The following PAPOLA variants were observed in gnomAD, a reference collection of about 807,000 sequenced individuals.
PAPOLA encodes poly(A) polymerase alpha, also known as polynucleotide adenylyltransferase alpha.
A neutral mutation model predicts 100.6 loss-of-function variants in PAPOLA; 15 were observed. That is an observed-to-expected ratio of 0.15 (90% CI 0.10 to 0.23). The LOEUF (loss-of-function observed/expected upper bound fraction) is 0.23, where lower values mean the gene tolerates loss of function less well. Ranked by LOEUF, PAPOLA falls within the 10% of genes least tolerant of loss-of-function variation. The pLI is 1.00. For missense variants in PAPOLA, 533 were observed against 884.2 expected, an observed-to-expected ratio of 0.60 and a Z score of 5.04; for synonymous variants, 293 against 300.0, an observed-to-expected ratio of 0.98 and a Z score of 0.24.
intron 19 of PAPOLA, among the ~76,000 whole-genome samples, chr14:96,559,038 A>G (rs1162757631): frequency 7.3e-6 from 1 of 137,584 alleles, no homozygotes; most frequent in Non-Finnish European, 1.6e-5. Context: ...TTTTTGGTGT[A>G]TGTTTTCTCA....
intron 16 of PAPOLA, among the ~76,000 whole-genome samples, chr14:96,550,732 A>T (rs778278027): frequency 6.6e-6 from 1 of 152,162 alleles, no homozygotes; most frequent in Non-Finnish European, 1.5e-5. Flanking sequence ...GATTAAATCT[A>T]CCCTGTATTT....
In PAPOLA at chr14:96,555,831, A is replaced by T. The variant is rs1431266150; in HGVS notation, c.1665-16A>T. 52 of 1,061,792 alleles carry T rather than the reference A, an allele frequency of 4.9e-5. No individual in the cohort carries two copies. Among genetic ancestry groups the T allele is most frequent in the Middle Eastern group, 2.2e-4 (1 of 4,452 alleles). 65.8% of individuals were successfully genotyped at this position (1,061,792 alleles called of 1,614,324 possible). On this transcript the variant is annotated splice_polypyrimidine_tract_variant and intron_variant, in intron 17 of 21. Transcript: ENST00000216277. Reference sequence around the variant, plus strand: ...TTTTTAAATTTTGAGACAATTTTTAATTTTTTTTTTTTTAGCAGAAACAGT... The same window carrying T: ...TTTTTAAATTTTGAGACAATTTTTATTTTTTTTTTTTTTAGCAGAAACAGT...
intron 16 of PAPOLA, among the ~76,000 whole-genome samples, chr14:96,549,225 A>C (rs1345177789): frequency 6.6e-6 from 1 of 151,868 alleles, no homozygotes; most frequent in Non-Finnish European, 1.5e-5. Flanking sequence ...TCAGTTTTTA[A>C]GGTTTAAACA....
In PAPOLA at chr14:96,560,695, A is replaced by G; in HGVS notation, c.2051A>G (p.Asp684Gly). 1 of 1,598,668 alleles carries G rather than the reference A, an allele frequency of 6.3e-7. No homozygotes were observed. Among genetic ancestry groups the G allele is most frequent in the Non-Finnish European group, 8.6e-7 (1 of 1,166,806 alleles). Residue 684 changes from aspartate (D) to glycine (G), a missense_variant, in exon 20 of 22, where the codon GAT becomes GGT. Asp to Gly is a moderately conservative substitution (Grantham distance 94). Transcript: ENST00000216277. ...AACTGTCTTGCTTTGAGTGGACATG[A>G]TAAAACAGAAGCAAAGGTATACTAA... The part of the protein sequence containing the change: ...DANCLALSGH[D>G]KTEAKEQLDT...
rs748161589 is a variant in PAPOLA, at chr14:96,560,629, G to A, written c.2005-20G>A. 7 of 1,547,790 alleles carry A rather than the reference G, an allele frequency of 4.5e-6. No individual in the cohort carries two copies. The highest frequency in any genetic ancestry group is 6.2e-6 in the Non-Finnish European group (7 of 1,126,720). ...TAAATTTTTCATTTTAGAGAATAAA[G>A]CTTTTTTTTTTAAAAACAGGATGAA... On this transcript the variant is annotated intron_variant, in intron 19 of 21. Coordinates refer to ENST00000216277, the MANE Select transcript of PAPOLA (RefSeq NM_032632.5).
chr14:96,544,159 C>A lies in PAPOLA; in HGVS notation c.1300C>A (p.Arg434Ser), dbSNP rs374761409. 6 of 1,592,278 alleles carry A rather than the reference C, an allele frequency of 3.8e-6. No individual in the cohort carries two copies. The highest frequency in any genetic ancestry group is 4.3e-6 in the Non-Finnish European group (5 of 1,161,302). Reference protein sequence around the residue: ...PKENPDKEEFRTMWVIGLVFK... With the variant: ...PKENPDKEEFSTMWVIGLVFK... Reference sequence around the variant, plus strand: ...TGCTCTTCTTTGCAGGGAAGAATTTCGCACGATGTGGGTGATTGGGTTAGT... The same window carrying A: ...TGCTCTTCTTTGCAGGGAAGAATTTAGCACGATGTGGGTGATTGGGTTAGT... Residue 434 changes from arginine (R) to serine (S), a missense_variant, in exon 15 of 22, where the codon CGC becomes AGC. Coordinates refer to ENST00000216277, the MANE Select transcript of PAPOLA (RefSeq NM_032632.5).
rs1253193744 is a variant in PAPOLA at position 96,537,211 on chromosome 14, T to G, written c.1115+151T>G. 3 of 596,998 alleles carry G rather than the reference T, an allele frequency of 5.0e-6. No individual in the cohort carries two copies. The East Asian group carries it at 8.4e-5, about 17-fold the overall frequency. 37.0% of individuals were successfully genotyped at this position (596,998 alleles called of 1,614,324 possible). ...ATACTGTTTTAGTGAACTCCTTAGT[T>G]TTTTTTGGTTGAGGTAATGAATGTG... On this transcript the variant is annotated intron_variant, in intron 12 of 21. Transcript: ENST00000216277.
chr14:96,518,991 A>G (rs1897714774), intron 1 of PAPOLA, among the ~76,000 whole-genome samples: 1 of 152,062 alleles, frequency 6.6e-6, no homozygotes. Flanking sequence ...TGGAAGGTAG[A>G]GGTTGCAGTG....
chr14:96,536,340 T>G (rs186973042), intron 11 of PAPOLA, among the ~76,000 whole-genome samples: 10 of 152,188 alleles, frequency 6.6e-5, no homozygotes, highest in Middle Eastern at 3.4e-3. Flanking sequence ...GGGAAAGAAC[T>G]TTGAGCAGGA....
At chr14:96,543,678 G>A (rs1566857816) in intron 14 of PAPOLA, among the ~76,000 whole-genome samples, 1 of 151,950 alleles carries the variant, frequency 6.6e-6, no homozygotes, top group Non-Finnish European at 1.5e-5. Context: ...ATGTTCAAAA[G>A]TAGCTAAATC....
chr14:96,532,304 G>GTTT, intron 7 of PAPOLA, 27 bp from the exon 8 acceptor site: 1 of 1,560,330 alleles, frequency 6.4e-7, no homozygotes, highest in Non-Finnish European at 8.7e-7. Context: ...GTGTGTGTGT[G>GTTT]TGTTTTTTTT....
chr14:96,509,386 TTG>T (rs1491388326), intron 1 of PAPOLA, among the ~76,000 whole-genome samples: 14 of 152,186 alleles, frequency 9.2e-5, no homozygotes, highest in African/African-American at 2.9e-4. Context: ...TCAATTTTTT[TTG>T]TGTGTATAAC....
chr14:96,520,925 G>A, intron 2 of PAPOLA, 81 bp from the exon 3 acceptor site: 1 of 754,394 alleles, frequency 1.3e-6, no homozygotes, highest in Non-Finnish European at 2.4e-6. Context: ...TCATAATTTA[G>A]GAAGAACGCC....
chr14:96,514,351 T>G (rs963233967), intron 1 of PAPOLA, among the ~76,000 whole-genome samples: 6 of 151,656 alleles, frequency 4.0e-5, no homozygotes, highest in Non-Finnish European at 7.4e-5. Context: ...TTTTTTTTTT[T>G]TTGTTATGTT....
rs778701543 is a variant in PAPOLA at position 96,565,686 on chromosome 14, G to A, written c.*636G>A. The A allele has an allele frequency of 5.0e-5, 20 of 397,400 alleles. No homozygotes were observed. The highest frequency in any genetic ancestry group is 8.9e-5 in the Non-Finnish European group (20 of 225,266). 24.6% of individuals were successfully genotyped at this position (397,400 alleles called of 1,614,324 possible). ...TAGGAAATAACTTGGTTTTGATAGG[G>A]TCATGATTAAGAAATGATATATTGG... On this transcript the variant is annotated 3_prime_UTR_variant, in exon 22 of 22. Coordinates refer to ENST00000216277, the MANE Select transcript of PAPOLA (RefSeq NM_032632.5).
intron 6 of PAPOLA, among the ~76,000 whole-genome samples, chr14:96,530,791 T>C (rs923561807): frequency 6.6e-6 from 1 of 152,184 alleles, no homozygotes; most frequent in African/African-American, 2.4e-5. Context: ...AATGAAAGGA[T>C]CCTGGCTTTA....
chr14:96,520,538 G>A (rs1474340209), intron 2 of PAPOLA, among the ~76,000 whole-genome samples: 1 of 152,016 alleles, frequency 6.6e-6, no homozygotes, highest in Admixed American at 6.6e-5. Flanking sequence ...ACCACGCCCG[G>A]CTAATTTTTT....
chr14:96,509,278 C>T (rs1041925649), intron 1 of PAPOLA, among the ~76,000 whole-genome samples: 1 of 152,210 alleles, frequency 6.6e-6, no homozygotes, highest in Non-Finnish European at 1.5e-5. Context: ...GCAATCCCAC[C>T]TTGGCCTCCC....
chr14:96,560,417 T>C, intron 19 of PAPOLA: 2 of 395,902 alleles, frequency 5.1e-6, no homozygotes, highest in Non-Finnish European at 8.9e-6. Flanking sequence ...CTTTAGGTGG[T>C]GATCTGCAGT....
Sources: gnomAD v4.1 joint callset for allele counts (sites outside exome capture counted in the v4.1 genomes callset) on GRCh38, gnomAD v4.1.1 for gene constraint, MANE v1.5 for transcripts, NCBI Gene and HGNC (gene_info 2026-07-23, HGNC 2026-07-21) for gene names.